ACACA: variants seen among roughly 807,000 people sequenced by gnomAD.
ACACA encodes the protein acetyl-CoA carboxylase alpha.
In ACACA, 103 loss-of-function variants were observed where a neutral mutation model predicts 296.1. The observed-to-expected ratio is 0.35, with a 90% CI of 0.30 to 0.41. ACACA has a LOEUF of 0.41. ACACA is among the 10% of genes least tolerant of loss of function. The probability of loss-of-function intolerance (pLI) is 1.00; values close to 1 mark genes in which losing one functional copy is unlikely to be tolerated. For synonymous variants in ACACA, 953 were observed against 1,038.6 expected (o/e 0.92, Z 1.58); for missense variants, 1,554 against 2,989.7 (o/e 0.52, Z 11.20).
chr17:37,128,044 A>C (rs1296194869), intron 47 of ACACA, among the ~76,000 whole-genome samples: 3 of 149,160 alleles, frequency 2.0e-5, no homozygotes, highest in Non-Finnish European at 3.0e-5. Flanking sequence ...AAAAAAAAAA[A>C]AAAAAAAAAA....
chr17:37,260,284 ATATATATATATATTTTTTTTTT>A lies in ACACA; in HGVS notation c.1330-776_1330-755del, dbSNP rs1177107398. Among the ~76,000 whole-genome samples the A allele has an allele frequency of 2.9e-3, 128 of 43,444 alleles. 3 individuals carry two copies. Among genetic ancestry groups the A allele is most frequent in the African/African-American group, 0.016 (122 of 7,654 alleles). The allele number at this position is 43,444 out of a possible 152,430, so 28.5% of individuals were successfully genotyped here. A position where few individuals can be genotyped will look rare whatever the true frequency, so the allele number is the denominator to read the frequency against. On this transcript the variant is annotated intron_variant, in intron 11 of 55. Transcript: ENST00000616317. ...TATATATATATATATATATATATAT[ATATATATATATATTTTTTTTTT>A]TTTTTTTTTTGGAGATGGAGTCTCG...
intron 25 of ACACA, among the ~76,000 whole-genome samples, chr17:37,228,380 CTGAG>C (rs1471225025): frequency 6.6e-6 from 1 of 151,932 alleles, no homozygotes; most frequent in African/African-American, 2.4e-5. Flanking sequence ...ATTCACTCAT[CTGAG>C]TGAGAAAAAT....
chr17:37,181,126 A>G, intron 40 of ACACA, 75 bp downstream of exon 40: 1 of 1,563,338 alleles, frequency 6.4e-7, no homozygotes, highest in Non-Finnish European at 8.8e-7. Context: ...CTTCTAGCCA[A>G]AACCGCATCT....
At chr17:37,385,837 C>T (rs572554918) in intron 1 of ACACA, among the ~76,000 whole-genome samples, 1 of 152,116 alleles carries the variant, frequency 6.6e-6, no homozygotes, top group Non-Finnish European at 1.5e-5. Flanking sequence ...GTGTCTCTAT[C>T]CTCATTTACT....
chr17:37,124,261 AGGAG>A (rs1225063710), intron 48 of ACACA, among the ~76,000 whole-genome samples: 1 of 152,254 alleles, frequency 6.6e-6, no homozygotes, highest in Non-Finnish European at 1.5e-5. Context: ...ATAGAAAGAA[AGGAG>A]GAAGTCAGAG....
rs554193290 is a variant in ACACA, at chr17:37,167,202, C to T, written c.5080-5152G>A. Among the ~76,000 whole-genome samples, 683 of 146,880 alleles carry T rather than the reference C, an allele frequency of 4.7e-3. 6 individuals are homozygous for T. Among genetic ancestry groups the T allele is most frequent in the African/African-American group, 0.016 (638 of 39,358 alleles). ...GTCTCGAACTCCTGACCTTGTGATCCGCCCGCCTTGGCCTCCCAAAGTGCT... is the reference window on the plus strand; with the variant it reads ...GTCTCGAACTCCTGACCTTGTGATCTGCCCGCCTTGGCCTCCCAAAGTGCT... On this transcript the variant is annotated intron_variant, in intron 41 of 55. Transcript: ENST00000616317.
intron 45 of ACACA, among the ~76,000 whole-genome samples, chr17:37,135,259 C>T (rs560279120): frequency 2.6e-5 from 4 of 152,316 alleles, no homozygotes; most frequent in African/African-American, 7.2e-5. Flanking sequence ...ATGTGACCAA[C>T]AAGATTATTT....
At chr17:37,099,199 G>A (rs1167925780) in intron 52 of ACACA, among the ~76,000 whole-genome samples, 1 of 152,226 alleles carries the variant, frequency 6.6e-6, no homozygotes, top group East Asian at 1.9e-4. Flanking sequence ...CAGGTTAACA[G>A]AGGAGGGATG....
chr17:37,283,898 G>A (rs987112468), intron 4 of ACACA, among the ~76,000 whole-genome samples: 4 of 152,190 alleles, frequency 2.6e-5, no homozygotes, highest in African/African-American at 9.6e-5. Flanking sequence ...TGTAGAGAAT[G>A]CCTCAGAAAG....
chr17:37,343,179 T>C (rs926817783), intron 1 of ACACA, among the ~76,000 whole-genome samples: 8 of 151,936 alleles, frequency 5.3e-5, no homozygotes, highest in African/African-American at 1.2e-4. Context: ...CGTTTCACCA[T>C]GTTGGCCAGG....
chr17:37,325,535 A>AAGCTATAAC (rs1413625035), intron 3 of ACACA, among the ~76,000 whole-genome samples: 1 of 150,806 alleles, frequency 6.6e-6, no homozygotes, highest in Non-Finnish European at 1.5e-5. Flanking sequence ...TATTCCCACC[A>AAGCTATAAC]AGCTATAACT....
At chr17:37,321,271 C>T (rs1473396636) in intron 3 of ACACA, among the ~76,000 whole-genome samples, 1 of 152,184 alleles carries the variant, frequency 6.6e-6, no homozygotes, top group Non-Finnish European at 1.5e-5. Context: ...CAGAATCTGA[C>T]CTTGACACTA....
intron 3 of ACACA, among the ~76,000 whole-genome samples, chr17:37,285,497 T>C (rs1257886467): frequency 6.6e-6 from 1 of 152,212 alleles, no homozygotes; most frequent in African/African-American, 2.4e-5. Flanking sequence ...TTTAAGGTTC[T>C]ACTTCTTTTC....
rs767705534 is a variant in ACACA, at chr17:37,339,878, T to G, written c.39-28A>C. 3.4e-5 allele frequency: 29 copies of G among 844,516 alleles called. No homozygotes were observed. The South Asian group carries it at 5.0e-4, about 15-fold the overall frequency. 52.3% of individuals were successfully genotyped at this position (844,516 alleles called of 1,614,324 possible). A position where few individuals can be genotyped will look rare whatever the true frequency, so the allele number is the denominator to read the frequency against. Reference sequence around the variant, plus strand: ...AGAGAGAAAGAGAAAGATTTTAAGGTTTTTTTTTTTAAGAAACAAACTTTT... The same window carrying G: ...AGAGAGAAAGAGAAAGATTTTAAGGGTTTTTTTTTTAAGAAACAAACTTTT... On this transcript the variant is annotated intron_variant, in intron 1 of 55. Coordinates refer to ENST00000616317, the MANE Select transcript of ACACA (RefSeq NM_198834.3).
At chr17:37,125,615 G>T in intron 48 of ACACA, 83 bp downstream of exon 48, 8 of 1,159,744 alleles carry the variant, frequency 6.9e-6, no homozygotes. Context: ...AACATTATTG[G>T]TATATATCTA....
At chr17:37,235,937 G>A (rs147779478) in intron 24 of ACACA, among the ~76,000 whole-genome samples, 40 of 152,246 alleles carry the variant, frequency 2.6e-4, no homozygotes, top group Non-Finnish European at 5.3e-4. Context: ...TATCTGCCAT[G>A]GGATATAAGT....
At chr17:37,248,740 T>C (rs780906960) in intron 16 of ACACA, 66 bp from the exon 17 acceptor site, 10 of 1,153,142 alleles carry the variant, frequency 8.7e-6, no homozygotes, top group Non-Finnish European at 1.3e-5. Flanking sequence ...TCTAAAACAT[T>C]ATTGATTGTA....
intron 3 of ACACA, among the ~76,000 whole-genome samples, chr17:37,323,641 G>C (rs2147145661): frequency 1.3e-5 from 2 of 152,204 alleles, no homozygotes; most frequent in South Asian, 4.1e-4. Context: ...AAGATTTAAA[G>C]AAATCACACT....
chr17:37,359,674 G>A (rs1427675101), intron 1 of ACACA, among the ~76,000 whole-genome samples: 1 of 152,194 alleles, frequency 6.6e-6, no homozygotes, highest in East Asian at 1.9e-4. Context: ...GGCAGGCGGT[G>A]TGCGGGCCCG....
Sources: gnomAD v4.1 joint callset for allele counts (sites outside exome capture counted in the v4.1 genomes callset) on GRCh38, gnomAD v4.1.1 for gene constraint, MANE v1.5 for transcripts, NCBI Gene and HGNC (gene_info 2026-07-23, HGNC 2026-07-21) for gene names.